The following SEPTIN9 variants were observed in gnomAD, a reference collection of about 807,000 sequenced individuals.
The protein encoded by SEPTIN9 is septin-9.
Under a neutral mutation model 56.6 loss-of-function variants are expected in SEPTIN9, and 13 were observed. The ratio of observed to expected loss-of-function variants is 0.23; its 90% confidence interval spans 0.15 to 0.37. The LOEUF (loss-of-function observed/expected upper bound fraction) is 0.37, where lower values mean the gene tolerates loss of function less well. SEPTIN9 is among the 10% of genes least tolerant of loss of function. The pLI is 1.00. For synonymous variants in SEPTIN9, 332 were observed against 334.1 expected (o/e 0.99, Z 0.07); for missense variants, 650 against 823.1 (o/e 0.79, Z 2.57).
intron 3 of SEPTIN9, among the ~76,000 whole-genome samples, chr17:77,458,763 A>G (rs2038329542): frequency 6.6e-6 from 1 of 152,104 alleles, no homozygotes; most frequent in African/African-American, 2.4e-5. Context: ...GCATTCCTGA[A>G]GTTTCTGATC....
At chr17:77,480,374 A>G (rs1300936376) in intron 3 of SEPTIN9, among the ~76,000 whole-genome samples, 1 of 152,188 alleles carries the variant, frequency 6.6e-6, no homozygotes, top group Non-Finnish European at 1.5e-5. Context: ...TGACCGCTCC[A>G]GTGAAATAGG....
At chr17:77,382,785 C>G (rs892463277) in intron 2 of SEPTIN9, among the ~76,000 whole-genome samples, 1 of 152,168 alleles carries the variant, frequency 6.6e-6, no homozygotes, top group Non-Finnish European at 1.5e-5. Flanking sequence ...TCATTCGCAC[C>G]TTTGCAGGCC....
intron 1 of SEPTIN9, among the ~76,000 whole-genome samples, chr17:77,296,679 C>T (rs1251968410): frequency 6.6e-6 from 1 of 152,054 alleles, no homozygotes; most frequent in African/African-American, 2.4e-5. Context: ...AGGGTGAAAC[C>T]CCATCTCTAC....
At chr17:77,357,909 C>T (rs368893342) in intron 2 of SEPTIN9, among the ~76,000 whole-genome samples, 5 of 152,148 alleles carry the variant, frequency 3.3e-5, no homozygotes, top group African/African-American at 7.2e-5. Flanking sequence ...TAACACTGTG[C>T]GACCCTCAGC....
At chr17:77,410,062 C>A (rs1162643460) in intron 3 of SEPTIN9, among the ~76,000 whole-genome samples, 1 of 152,196 alleles carries the variant, frequency 6.6e-6, no homozygotes, top group Non-Finnish European at 1.5e-5. Flanking sequence ...CTGTCTCCTT[C>A]AGTCCAAGGG....
In SEPTIN9 at chr17:77,499,882, A is replaced by G. The variant is rs901201616; in HGVS notation, c.*1224A>G. 7.0e-5 allele frequency: 20 copies of G among 284,438 alleles called. No homozygotes were observed. Among genetic ancestry groups the G allele is most frequent in the African/African-American group, 4.3e-4 (20 of 46,692 alleles). 17.6% of individuals were successfully genotyped at this position (284,438 alleles called of 1,614,324 possible). ...AGCCCATGGTAACGAACCCCTAGAA[A>G]GGAGAGAACGGGCGTCAGGGGTGCA... On this transcript the variant is annotated 3_prime_UTR_variant, in exon 12 of 12. Coordinates refer to ENST00000427177, the MANE Select transcript of SEPTIN9 (RefSeq NM_001113491.2).
intron 2 of SEPTIN9, among the ~76,000 whole-genome samples, chr17:77,401,236 G>A (rs4789492): frequency 0.72 from 109,749 of 152,062 alleles, 40,678 homozygotes; most frequent in Non-Finnish European, 0.81. Context: ...GAGCTCGGTA[G>A]GCCCGGCGCC....
chr17:77,386,084 CT>C (rs1163699158), intron 2 of SEPTIN9, among the ~76,000 whole-genome samples: 2 of 152,176 alleles, frequency 1.3e-5, no homozygotes, highest in African/African-American at 4.8e-5. Flanking sequence ...GCGCTTGTGA[CT>C]CCTGCATGCC....
At chr17:77,359,381 G>A (rs1254242086) in intron 2 of SEPTIN9, among the ~76,000 whole-genome samples, 1 of 152,234 alleles carries the variant, frequency 6.6e-6, no homozygotes, top group African/African-American at 2.4e-5. Context: ...TTACCAAGGA[G>A]GTGGCATTTG....
At chr17:77,376,242 A>G (rs2034914639) in intron 2 of SEPTIN9, 11 of 986,084 alleles carry the variant, frequency 1.1e-5, no homozygotes, top group Non-Finnish European at 1.3e-5. Flanking sequence ...TGTGAAGATC[A>G]TATGGGCCAG....
At chr17:77,354,801 C>T (rs1009387841) in intron 2 of SEPTIN9, among the ~76,000 whole-genome samples, 1 of 152,100 alleles carries the variant, frequency 6.6e-6, no homozygotes, top group Admixed American at 6.6e-5. Flanking sequence ...GTGACGCCTG[C>T]TTGTTGCACT....
rs1397104460 is a variant in SEPTIN9 at position 77,390,435 on chromosome 17, A to AC, written c.77-11624_77-11623insC. On this transcript the variant is annotated intron_variant, in intron 2 of 11. Coordinates refer to ENST00000427177, the MANE Select transcript of SEPTIN9 (RefSeq NM_001113491.2). The stretch of plus-strand genomic sequence containing the variant: ...TTCATGTTTCAGAGGTAAAAAAAAA[A>AC]AAAACTGCACATTTCGCTTTTTTTT... 3.0e-3 allele frequency among the ~76,000 whole-genome samples: 441 copies of AC among 148,130 alleles called. 3 individuals are homozygous for AC. The highest frequency in any genetic ancestry group is 0.01 in the African/African-American group (405 of 40,366).
chr17:77,452,622 G>A (rs2038028227), intron 3 of SEPTIN9, among the ~76,000 whole-genome samples: 1 of 152,116 alleles, frequency 6.6e-6, no homozygotes, highest in South Asian at 2.1e-4. Flanking sequence ...GACAGCACCT[G>A]CTGGATCAGG....
chr17:77,365,700 C>T (rs1033150260), intron 2 of SEPTIN9, among the ~76,000 whole-genome samples: 21 of 152,146 alleles, frequency 1.4e-4, no homozygotes, highest in African/African-American at 4.8e-4. Flanking sequence ...CCGCCACTCC[C>T]AACCTCCACC....
At chr17:77,488,212 C>G (rs764781946) in intron 5 of SEPTIN9, 28 bp from the exon 6 acceptor site, 2 of 1,611,076 alleles carry the variant, frequency 1.2e-6, no homozygotes, top group Admixed American at 3.3e-5. Context: ...CGTCTCCCCT[C>G]TGACTCTGCG....
rs1223579997 is a variant in SEPTIN9 at position 77,482,350 on chromosome 17, T to G, written c.913+15T>G. The G allele has an allele frequency of 6.2e-7, 1 of 1,609,540 alleles. No individual in the cohort carries two copies. The highest frequency in any genetic ancestry group is 1.7e-5 in the Admixed American group (1 of 60,002). ...CATGGTGGTCGGTGAGTCCTCACCT[T>G]GCATGCCACTCAACCAATGCCGGAA... On this transcript the variant is annotated intron_variant, in intron 4 of 11. Transcript: ENST00000427177.
In SEPTIN9 at chr17:77,500,386, T is replaced by TGGGGGGGGGGGG; in HGVS notation, c.*1732_*1733insGGGGGGGGGGGG. 1 of 157,260 alleles carries TGGGGGGGGGGGG rather than the reference T, an allele frequency of 6.4e-6. No homozygotes were observed. Among genetic ancestry groups the TGGGGGGGGGGGG allele is most frequent in the South Asian group, 2.6e-4 (1 of 3,820 alleles). The allele number at this position is 157,260 out of a possible 1,614,324, so 9.7% of individuals were successfully genotyped here. A position where few individuals can be genotyped will look rare whatever the true frequency, so the allele number is the denominator to read the frequency against. ...GCCTCAATGTCACTTGGTGGCGGGG[T>TGGGGGGGGGGGG]GGGGTGGGGGTGGGCAGCAGCATCC... On this transcript the variant is annotated 3_prime_UTR_variant, in exon 12 of 12. Coordinates refer to ENST00000427177, the MANE Select transcript of SEPTIN9 (RefSeq NM_001113491.2).
intron 10 of SEPTIN9, 179 bp from the exon 11 acceptor site, chr17:77,497,136 G>A: frequency 1.5e-6 from 1 of 682,828 alleles, no homozygotes; most frequent in Non-Finnish European, 2.7e-6. Flanking sequence ...CCAGACTGAG[G>A]GCAGTGCCAG....
chr17:77,366,356 A>G (rs1467480124), intron 2 of SEPTIN9, among the ~76,000 whole-genome samples: 8 of 152,164 alleles, frequency 5.3e-5, no homozygotes, highest in Non-Finnish European at 1.2e-4. Flanking sequence ...CAGGAGTAGG[A>G]GGAACGCTCT....
Sources: gnomAD v4.1 joint callset for allele counts (sites outside exome capture counted in the v4.1 genomes callset) on GRCh38, gnomAD v4.1.1 for gene constraint, MANE v1.5 for transcripts, NCBI Gene and HGNC (gene_info 2026-07-23, HGNC 2026-07-21) for gene names.